Variants in SYT13 observed in about 807,000 individuals in gnomAD.
The protein encoded by SYT13 is synaptotagmin 13.
Under a neutral mutation model 38.6 loss-of-function variants are expected in SYT13, and 21 were observed. The observed-to-expected ratio is 0.54, with a 90% CI of 0.39 to 0.78. The LOEUF (loss-of-function observed/expected upper bound fraction) is 0.78. Ranked by LOEUF, SYT13 falls within the 30% of genes least tolerant of loss-of-function variation. The pLI, the probability that SYT13 is intolerant of heterozygous loss-of-function variation, is 0.00. For missense variants in SYT13, 495 were observed against 548.7 expected (o/e 0.90, Z 0.98); for synonymous variants, 241 against 237.6 (o/e 1.01, Z -0.13).
rs1403243753 is a variant in SYT13, at chr11:45,242,364, T to C, written c.*1688A>G. ...AGGGTAGATCACCTGAGATCTGGAG[T>C]TGAAGACCAGCCTGGCCAACATGGT... On this transcript the variant is annotated 3_prime_UTR_variant, in exon 6 of 6. Coordinates refer to ENST00000020926, the MANE Select transcript of SYT13 (RefSeq NM_020826.3). 1 of 151,758 alleles carries C rather than the reference T, an allele frequency of 6.6e-6. No individual in the cohort carries two copies. The highest frequency in any genetic ancestry group is 1.5e-5 in the Non-Finnish European group (1 of 67,958). The allele number at this position is 151,758 out of a possible 1,614,324, so 9.4% of individuals were successfully genotyped here. A position where few individuals can be genotyped will look rare whatever the true frequency, so the allele number is the denominator to read the frequency against.
chr11:45,243,929 T>C lies in SYT13; in HGVS notation c.*123A>G. The C allele has an allele frequency of 9.4e-7, 1 of 1,058,894 alleles. No homozygotes were observed. The highest frequency in any genetic ancestry group is 1.4e-6 in the Non-Finnish European group (1 of 731,914). 65.6% of individuals were successfully genotyped at this position (1,058,894 alleles called of 1,614,324 possible). On this transcript the variant is annotated 3_prime_UTR_variant, in exon 6 of 6. Transcript: ENST00000020926. ...AAACAAGAGTATGATGAGAGAGCCA[T>C]CCCAGCCTTGCAAACACATCTGTCA...
chr11:45,267,349 C>G (rs987505848), intron 1 of SYT13, among the ~76,000 whole-genome samples: 1 of 152,226 alleles, frequency 6.6e-6, no homozygotes, highest in Non-Finnish European at 1.5e-5. Context: ...CTGGTCCCAC[C>G]ACCCACTATG....
At chr11:45,276,697 A>G (rs1855014393) in intron 1 of SYT13, among the ~76,000 whole-genome samples, 1 of 149,376 alleles carries the variant, frequency 6.7e-6, no homozygotes, top group Non-Finnish European at 1.5e-5. Context: ...CTTTGCACCC[A>G]GTAGGATGAC....
At chr11:45,284,874 A>G (rs1855115365) in intron 1 of SYT13, among the ~76,000 whole-genome samples, 10 of 152,160 alleles carry the variant, frequency 6.6e-5, no homozygotes, top group Admixed American at 6.5e-4. Flanking sequence ...TGTCAATGTC[A>G]CTGTTCTTGG....
In SYT13 at chr11:45,255,746, G is replaced by A. The variant is rs376322699; in HGVS notation, c.329C>T (p.Ala110Val). The A allele has an allele frequency of 1.2e-6, 2 of 1,614,066 alleles. No individual in the cohort carries two copies. Among genetic ancestry groups the A allele is most frequent in the Non-Finnish European group, 1.7e-6 (2 of 1,180,028 alleles). The change falls in exon 2 of 6, where the codon GCA (alanine) becomes GTA (valine). Residue 110 changes from alanine to valine, a missense_variant. Coordinates refer to ENST00000020926, the MANE Select transcript of SYT13 (RefSeq NM_020826.3). ...YSLRSTEEPTAPASPQPPNDS... is the reference protein window; with the variant it reads ...YSLRSTEEPTVPASPQPPNDS... ...ATTCGGGGGTTGGGGGCTGGCAGGTGCAGTGGGCTCCTCCGTAGACCTCAG... is the reference window on the plus strand; with the variant it reads ...ATTCGGGGGTTGGGGGCTGGCAGGTACAGTGGGCTCCTCCGTAGACCTCAG...
chr11:45,243,986 G>A lies in SYT13; in HGVS notation c.*66C>T, dbSNP rs556583916. ...TCTGGGTGTCAGAATGAGGAAAGGGGCACAGAAAGGAGGTTGCAGAGGACG... is the reference window on the plus strand; with the variant it reads ...TCTGGGTGTCAGAATGAGGAAAGGGACACAGAAAGGAGGTTGCAGAGGACG... On this transcript the variant is annotated 3_prime_UTR_variant, in exon 6 of 6. Transcript: ENST00000020926. The A allele has an allele frequency of 2.0e-6, 3 of 1,478,816 alleles. No homozygotes were observed. The highest frequency in any genetic ancestry group is 2.8e-5 in the African/African-American group (2 of 72,064). 91.6% of individuals were successfully genotyped at this position (1,478,816 alleles called of 1,614,324 possible). A position where few individuals can be genotyped will look rare whatever the true frequency, so the allele number is the denominator to read the frequency against.
intron 3 of SYT13, chr11:45,254,011 G>C (rs1388715464): frequency 3.1e-6 from 1 of 322,078 alleles, no homozygotes; most frequent in East Asian, 5.2e-5. Context: ...GGGGGTTATG[G>C]AGCCACAGCT....
At position 45,254,198 on chromosome 11, in the gene SYT13, C is replaced by T. The variant is rs1420171741; in HGVS notation, c.544+72G>A. 5.3e-6 allele frequency: 8 copies of T among 1,503,366 alleles called. No individual in the cohort carries two copies. The South Asian group carries it at 9.5e-5, about 18-fold the overall frequency. 93.1% of individuals were successfully genotyped at this position (1,503,366 alleles called of 1,614,324 possible). The stretch of plus-strand genomic sequence containing the variant: ...TGCTCTCTCCAGCTGCAGATGATCC[C>T]ATCCTGCCTGCACAGCTTCTCCAGG... On this transcript the variant is annotated intron_variant, in intron 3 of 5. Transcript: ENST00000020926.
chr11:45,250,217 T>A (rs540080743), intron 4 of SYT13, among the ~76,000 whole-genome samples: 1 of 152,214 alleles, frequency 6.6e-6, no homozygotes, highest in Non-Finnish European at 1.5e-5. Flanking sequence ...ACATTTGTAG[T>A]AAACAGGTCA....
chr11:45,272,973 A>G (rs914922652), intron 1 of SYT13, among the ~76,000 whole-genome samples: 7 of 152,228 alleles, frequency 4.6e-5, no homozygotes, highest in African/African-American at 1.7e-4. Context: ...TCTGACTCAC[A>G]GACTCTTCCT....
intron 1 of SYT13, among the ~76,000 whole-genome samples, chr11:45,270,890 T>C (rs1223939293): frequency 6.6e-6 from 1 of 152,244 alleles, no homozygotes; most frequent in Non-Finnish European, 1.5e-5. Context: ...TCCTTATATA[T>C]TGGTTTTAAG....
At chr11:45,264,575 G>A (rs887937947) in intron 1 of SYT13, among the ~76,000 whole-genome samples, 2 of 152,160 alleles carry the variant, frequency 1.3e-5, no homozygotes, top group Admixed American at 6.5e-5. Flanking sequence ...ACCCTGAGAT[G>A]AGCACAGCCC....
At chr11:45,284,721 C>A (rs543182069) in intron 1 of SYT13, among the ~76,000 whole-genome samples, 2 of 152,204 alleles carry the variant, frequency 1.3e-5, no homozygotes, top group East Asian at 1.9e-4. Flanking sequence ...GTGTGTTGGG[C>A]AGGAAAGAAG....
chr11:45,249,223 A>G (rs1854646538), intron 4 of SYT13, among the ~76,000 whole-genome samples: 1 of 152,240 alleles, frequency 6.6e-6, no homozygotes, highest in Non-Finnish European at 1.5e-5. Flanking sequence ...CGCCAGTTAG[A>G]ATGGCGATCA....
In SYT13 at chr11:45,244,166, C is replaced by A; in HGVS notation, c.1167G>T (p.Ala389=). The A allele has an allele frequency of 1.9e-6, 3 of 1,614,002 alleles. No homozygotes were observed. The highest frequency in any genetic ancestry group is 8.5e-7 in the Non-Finnish European group (1 of 1,180,038). ...GCAGGCCCAGGCTGCAGTGGCCAAGCGCACAGCTCTGCCCTGAATCGTCCT... is the reference window on the plus strand; with the variant it reads ...GCAGGCCCAGGCTGCAGTGGCCAAGAGCACAGCTCTGCCCTGAATCGTCCT... ...LGQDDSGQSC[A]LGHCSLGLHT... The change falls in exon 6 of 6, where the codon GCG becomes GCT. Residue 389 remains alanine, a synonymous_variant. Coordinates refer to ENST00000020926, the MANE Select transcript of SYT13 (RefSeq NM_020826.3).
chr11:45,246,398 C>T lies in SYT13; in HGVS notation c.961G>A (p.Glu321Lys). ...AKNLHSNQSK[E>K]LLGKDVSVKV... Reference sequence around the variant, plus strand: ...TCTCACTCACCCTTCCCCAGGAGCTCCTTGGACTGGTTAGAGTGGAGGTTC... The same window carrying T: ...TCTCACTCACCCTTCCCCAGGAGCTTCTTGGACTGGTTAGAGTGGAGGTTC... The change falls in exon 5 of 6, where the codon GAG becomes AAG. Residue 321 changes from glutamate to lysine, a missense_variant. Physicochemically the swap from Glu to Lys is moderately conservative, Grantham distance 56 (BLOSUM62 1). Transcript: ENST00000020926. 6.2e-7 allele frequency: 1 copy of T among 1,613,998 alleles called. No homozygotes were observed. Among genetic ancestry groups the T allele is most frequent in the African/African-American group, 1.3e-5 (1 of 75,026 alleles).
intron 1 of SYT13, among the ~76,000 whole-genome samples, chr11:45,281,831 T>C (rs1855078165): frequency 6.6e-6 from 1 of 152,164 alleles, no homozygotes; most frequent in Non-Finnish European, 1.5e-5. Flanking sequence ...AGGTAAACAC[T>C]GTGTTGGGAG....
rs1854566789 is a variant in SYT13 at position 45,242,728 on chromosome 11, C to T, written c.*1324G>A. On this transcript the variant is annotated 3_prime_UTR_variant, in exon 6 of 6. Coordinates refer to ENST00000020926, the MANE Select transcript of SYT13 (RefSeq NM_020826.3). Reference sequence around the variant, plus strand: ...TCCTAGTCATTAGTCCTATCTTACACAGCTGGCCAAACAGGTGCTGAAGGG... The same window carrying T: ...TCCTAGTCATTAGTCCTATCTTACATAGCTGGCCAAACAGGTGCTGAAGGG... 1 of 152,058 alleles carries T rather than the reference C, an allele frequency of 6.6e-6. No homozygotes were observed. The highest frequency in any genetic ancestry group is 2.4e-5 in the African/African-American group (1 of 41,394). 9.4% of individuals were successfully genotyped at this position (152,058 alleles called of 1,614,324 possible). A position where few individuals can be genotyped will look rare whatever the true frequency, so the allele number is the denominator to read the frequency against.
intron 2 of SYT13, among the ~76,000 whole-genome samples, chr11:45,255,159 A>C (rs1468534212): frequency 6.6e-6 from 1 of 151,980 alleles, no homozygotes; most frequent in African/African-American, 2.4e-5. Context: ...AACAACAAAA[A>C]ACCCAATATG....
Sources: gnomAD v4.1 joint callset for allele counts (sites outside exome capture counted in the v4.1 genomes callset) on GRCh38, gnomAD v4.1.1 for gene constraint, MANE v1.5 for transcripts, NCBI Gene and HGNC (gene_info 2026-07-23, HGNC 2026-07-21) for gene names.